Variants in DLG2 observed in about 807,000 individuals in gnomAD.
DLG2 encodes the protein disks large homolog 2.
In DLG2, 45 loss-of-function variants were observed where a neutral mutation model predicts 132.5. The ratio of observed to expected loss-of-function variants is 0.34; its 90% CI spans 0.27 to 0.44. The LOEUF (loss-of-function observed/expected upper bound fraction) is 0.44, where lower values mean the gene tolerates loss of function less well. Among genes scored for constraint, DLG2 ranks in the 20% least tolerant of loss-of-function variants. The pLI is 1.00. For synonymous variants in DLG2, 424 were observed against 419.6 expected, an observed-to-expected ratio of 1.01 and a Z score of -0.13; for missense variants, 1,045 against 1,196.9, an observed-to-expected ratio of 0.87 and a Z score of 1.87.
chr11:84,626,100 A>T (rs2099622090), intron 6 of DLG2, among the ~76,000 whole-genome samples: 1 of 152,198 alleles, frequency 6.6e-6, no homozygotes, highest in Non-Finnish European at 1.5e-5. Context: ...CAGATCTATT[A>T]TCTTTTATTA....
intron 3 of DLG2, among the ~76,000 whole-genome samples, chr11:85,578,155 C>A (rs2078272885): frequency 6.6e-6 from 1 of 152,076 alleles, no homozygotes; most frequent in Non-Finnish European, 1.5e-5. Context: ...ATTCCCTAAT[C>A]AACAAACAGT....
intron 3 of DLG2, among the ~76,000 whole-genome samples, chr11:85,544,936 C>T (rs1194173990): frequency 6.6e-6 from 1 of 152,192 alleles, no homozygotes; most frequent in Non-Finnish European, 1.5e-5. Flanking sequence ...CATCTGCGCA[C>T]AGAAACAATT....
At chr11:85,186,871 A>G (rs557556828) in intron 4 of DLG2, among the ~76,000 whole-genome samples, 5 of 152,230 alleles carry the variant, frequency 3.3e-5, no homozygotes, top group East Asian at 1.9e-4. Context: ...GATCATTTTA[A>G]TCAATGCCTA....
chr11:84,685,444 C>A lies in DLG2; in HGVS notation c.358-150713G>T, dbSNP rs563744106. On this transcript the variant is annotated intron_variant, in intron 6 of 27. Coordinates refer to ENST00000376104, the MANE Select transcript of DLG2 (RefSeq NM_001142699.3). ...AGTTCCACTGCCACTTCAGTAGTTT[C>A]ACAGAGCAAGAGCAAGCTGAATCAG... Among the ~76,000 whole-genome samples the A allele has an allele frequency of 5.1e-4, 77 of 152,318 alleles. 1 individual carries two copies. Among genetic ancestry groups the A allele is most frequent in the African/African-American group, 1.8e-3 (75 of 41,580 alleles).
At chr11:84,054,718 G>A (rs139570245) in intron 11 of DLG2, among the ~76,000 whole-genome samples, 1 of 152,016 alleles carries the variant, frequency 6.6e-6, no homozygotes, top group Non-Finnish European at 1.5e-5. Context: ...TTTTGCAATA[G>A]ACCAAATCAA....
chr11:83,846,970 C>T (rs2058752019), intron 16 of DLG2, among the ~76,000 whole-genome samples: 1 of 149,288 alleles, frequency 6.7e-6, no homozygotes, highest in Non-Finnish European at 1.5e-5. Context: ...AGGATTACCC[C>T]TCTTTTTCTT....
intron 6 of DLG2, among the ~76,000 whole-genome samples, chr11:84,546,194 G>A (rs1270916306): frequency 6.6e-6 from 1 of 152,116 alleles, no homozygotes; most frequent in African/African-American, 2.4e-5. Flanking sequence ...TCATAGGGGT[G>A]GTTTCTAATG....
At chr11:84,991,528 AAAGAAAGAAAGG>A (rs1400681350) in intron 6 of DLG2, among the ~76,000 whole-genome samples, 1 of 145,532 alleles carries the variant, frequency 6.9e-6, no homozygotes, top group Non-Finnish European at 1.5e-5. Context: ...AAAAAAAAAG[AAAGAAAGAAAGG>A]AAGAAAGAAA....
chr11:85,595,777 AC>A (rs1263124176), intron 3 of DLG2, among the ~76,000 whole-genome samples: 1 of 152,222 alleles, frequency 6.6e-6, no homozygotes, highest in East Asian at 1.9e-4. Context: ...ATATGATTTT[AC>A]TTTATTTTCA....
intron 17 of DLG2, among the ~76,000 whole-genome samples, chr11:83,821,086 G>A (rs2050643702): frequency 1.3e-5 from 2 of 152,176 alleles, no homozygotes; most frequent in Non-Finnish European, 2.9e-5. Flanking sequence ...TAGGTTCTGG[G>A]ATGCAATGAT....
chr11:84,935,958 C>A (rs1006067212), intron 6 of DLG2, among the ~76,000 whole-genome samples: 1 of 152,110 alleles, frequency 6.6e-6, no homozygotes, highest in African/African-American at 2.4e-5. Flanking sequence ...ACTTTTTTAG[C>A]CCTTACTAAA....
In DLG2 at chr11:85,382,000, G is replaced by T. The variant is rs77845438; in HGVS notation, c.41-96635C>A. Among the ~76,000 whole-genome samples the T allele has an allele frequency of 2.9e-3, 444 of 152,218 alleles. 1 individual carries two copies. The highest frequency in any genetic ancestry group is 0.01 in the African/African-American group (430 of 41,554). ...ACCCTGAAAACAAAAAATCTCAGATGACTTTTTTCTAGACATTGACAAGCT... is the reference window on the plus strand; with the variant it reads ...ACCCTGAAAACAAAAAATCTCAGATTACTTTTTTCTAGACATTGACAAGCT... On this transcript the variant is annotated intron_variant, in intron 3 of 27. Transcript: ENST00000376104.
chr11:85,243,337 G>A (rs370538674), intron 4 of DLG2, among the ~76,000 whole-genome samples: 2 of 151,910 alleles, frequency 1.3e-5, no homozygotes, highest in Non-Finnish European at 1.5e-5. Flanking sequence ...TGAGCTTTTC[G>A]AATTCAGAGA....
intron 6 of DLG2, among the ~76,000 whole-genome samples, chr11:85,087,631 G>A (rs1174154753): frequency 6.6e-6 from 1 of 151,682 alleles, no homozygotes; most frequent in Non-Finnish European, 1.5e-5. Context: ...GAGGTCAGGA[G>A]ATCGAGACCA....
At chr11:84,080,664 A>G (rs2154154588) in intron 10 of DLG2, among the ~76,000 whole-genome samples, 1 of 152,242 alleles carries the variant, frequency 6.6e-6, no homozygotes, top group South Asian at 2.1e-4. Context: ...AACAGCTAAT[A>G]ATTCATTTTT....
chr11:85,028,577 G>A (rs2060742299), intron 6 of DLG2, among the ~76,000 whole-genome samples: 1 of 152,180 alleles, frequency 6.6e-6, no homozygotes, highest in African/African-American at 2.4e-5. Flanking sequence ...GGGGGGCTGA[G>A]GGGGCAGAGG....
intron 3 of DLG2, among the ~76,000 whole-genome samples, chr11:85,472,805 C>T (rs1028249487): frequency 1.3e-5 from 2 of 152,228 alleles, no homozygotes; most frequent in Non-Finnish European, 2.9e-5. Flanking sequence ...CCAGGCCAGC[C>T]CAGAAGCCAC....
chr11:84,813,827 C>T (rs1185225026), intron 6 of DLG2, among the ~76,000 whole-genome samples: 1 of 152,006 alleles, frequency 6.6e-6, no homozygotes, highest in Non-Finnish European at 1.5e-5. Flanking sequence ...TTTTCTATTA[C>T]TCAGCTTCTC....
At chr11:83,897,207 G>A (rs1280799725) in intron 15 of DLG2, among the ~76,000 whole-genome samples, 1 of 152,226 alleles carries the variant, frequency 6.6e-6, no homozygotes, top group Non-Finnish European at 1.5e-5. Flanking sequence ...ATCCAACAGT[G>A]TGGATGTGAT....
Sources: allele counts gnomAD v4.1 joint callset (sites outside exome capture counted in the v4.1 genomes callset), GRCh38; gene constraint gnomAD v4.1.1; transcripts MANE v1.5; gene names NCBI Gene and HGNC (gene_info 2026-07-23, HGNC 2026-07-21).